Variants in PDSS1 observed in about 807,000 individuals in gnomAD.
PDSS1 encodes all trans-polyprenyl-diphosphate synthase PDSS1.
In PDSS1, 43 loss-of-function variants were observed where a neutral mutation model predicts 57.5. That is an observed-to-expected ratio of 0.75 (90% CI 0.59 to 0.96). The LOEUF (loss-of-function observed/expected upper bound fraction) is 0.96. Among genes scored for constraint, PDSS1 ranks in the 50% least tolerant of loss-of-function variants. The probability of loss-of-function intolerance (pLI) is 0.00; values close to 1 mark genes in which losing one functional copy is unlikely to be tolerated. For synonymous variants in PDSS1, 175 were observed against 191.3 expected, an observed-to-expected ratio of 0.91 and a Z score of 0.70; for missense variants, 438 against 527.8, an observed-to-expected ratio of 0.83 and a Z score of 1.67.
intron 10 of PDSS1, among the ~76,000 whole-genome samples, chr10:26,738,378 A>G (rs761905096): frequency 3.9e-5 from 6 of 152,240 alleles, no homozygotes; most frequent in Non-Finnish European, 7.3e-5. Flanking sequence ...AGGGAACTGA[A>G]CAAGTCTAAG....
Position 26,746,545 on chromosome 10 carries a change from T to C in PDSS1, c.*72T>C. The C allele has an allele frequency of 6.7e-7, 1 of 1,502,004 alleles. No individual in the cohort carries two copies. The highest frequency in any genetic ancestry group is 1.1e-5 in the South Asian group (1 of 88,608). 93.0% of individuals were successfully genotyped at this position (1,502,004 alleles called of 1,614,324 possible). ...AAAGAATTTTGTGGAATACACTTTG[T>C]TTGCTTCATGTGCAGATAACCAAAA... On this transcript the variant is annotated 3_prime_UTR_variant, in exon 12 of 12. Coordinates refer to ENST00000376215, the MANE Select transcript of PDSS1 (RefSeq NM_014317.5).
intron 5 of PDSS1, among the ~76,000 whole-genome samples, chr10:26,709,976 C>A (rs1332140030): frequency 6.6e-6 from 1 of 151,870 alleles, no homozygotes; most frequent in Non-Finnish European, 1.5e-5. Flanking sequence ...CATGGTGAGA[C>A]CCCGTCTCTA....
At chr10:26,728,200 A>G (rs1836030109) in intron 8 of PDSS1, among the ~76,000 whole-genome samples, 1 of 152,146 alleles carries the variant, frequency 6.6e-6, no homozygotes, top group African/African-American at 2.4e-5. Flanking sequence ...TACTAAAATT[A>G]TAAAAAATTA....
At chr10:26,698,181 G>T (rs1834934178) in intron 1 of PDSS1, among the ~76,000 whole-genome samples, 1 of 118,524 alleles carries the variant, frequency 8.4e-6, no homozygotes, top group African/African-American at 2.9e-5. Flanking sequence ...ACAAGGTTAA[G>T]CCTGGAGAGC....
At chr10:26,719,906 A>G (rs1027451158) in intron 5 of PDSS1, among the ~76,000 whole-genome samples, 1 of 152,210 alleles carries the variant, frequency 6.6e-6, no homozygotes, top group Admixed American at 6.5e-5. Context: ...ACACCTGACC[A>G]AGAACACTGT....
intron 6 of PDSS1, among the ~76,000 whole-genome samples, chr10:26,720,637 G>T (rs1432366674): frequency 6.6e-6 from 1 of 152,102 alleles, no homozygotes; most frequent in Non-Finnish European, 1.5e-5. Context: ...ATTTCATGAG[G>T]AATCATACGT....
At chr10:26,701,765 T>C in intron 1 of PDSS1, 2 of 453,384 alleles carry the variant, frequency 4.4e-6, no homozygotes, top group Non-Finnish European at 8.8e-6. Flanking sequence ...GCTGGGGCAC[T>C]GCCTAATGGA....
intron 6 of PDSS1, among the ~76,000 whole-genome samples, chr10:26,722,328 T>G (rs1364836576): frequency 6.6e-6 from 1 of 152,268 alleles, no homozygotes; most frequent in Non-Finnish European, 1.5e-5. Flanking sequence ...GTTTAGATAC[T>G]GAAGAACCTA....
intron 10 of PDSS1, among the ~76,000 whole-genome samples, chr10:26,741,781 C>A (rs1836620499): frequency 6.6e-6 from 1 of 152,150 alleles, no homozygotes; most frequent in Non-Finnish European, 1.5e-5. Flanking sequence ...GAAATGCATG[C>A]CAAGGCTCCA....
intron 6 of PDSS1, among the ~76,000 whole-genome samples, chr10:26,722,897 ACTT>A (rs999107337): frequency 1.4e-5 from 2 of 146,710 alleles, no homozygotes; most frequent in African/African-American, 5.0e-5. Context: ...CAATGGAAAA[ACTT>A]TTTTTTTTTT....
intron 4 of PDSS1, among the ~76,000 whole-genome samples, chr10:26,708,967 C>T (rs1206528292): frequency 1.3e-5 from 2 of 152,244 alleles, no homozygotes; most frequent in South Asian, 2.1e-4. Flanking sequence ...TTTCAAGCTG[C>T]GAACCAGCCC....
intron 5 of PDSS1, among the ~76,000 whole-genome samples, chr10:26,716,699 A>T (rs140733572): frequency 0.021 from 3,123 of 152,214 alleles, 107 homozygotes; most frequent in African/African-American, 0.07. Flanking sequence ...TCAAAAAAAA[A>T]AAAGATAATT....
intron 8 of PDSS1, among the ~76,000 whole-genome samples, chr10:26,730,601 T>C (rs4402188): frequency 0.18 from 27,350 of 151,740 alleles, 2,642 homozygotes; most frequent in African/African-American, 0.21. Context: ...AGAGTGAGAC[T>C]CTGTCTAAAA....
At position 26,735,110 on chromosome 10, in the gene PDSS1, T is replaced by C. The variant is rs1238436821; in HGVS notation, c.832-130T>C. The C allele has an allele frequency of 5.3e-6, 4 of 753,298 alleles. No homozygotes were observed. In the East Asian group the frequency reaches 1.0e-4, roughly 19 times the overall value. 46.7% of individuals were successfully genotyped at this position (753,298 alleles called of 1,614,324 possible). On this transcript the variant is annotated intron_variant, in intron 8 of 11. Coordinates refer to ENST00000376215, the MANE Select transcript of PDSS1 (RefSeq NM_014317.5). ...TTGTACATGCTTGGTGTCCCTCTGA[T>C]GTCAGCATCTCCTGAGTGTGTATAA... is the stretch of plus-strand genomic sequence containing the variant.
chr10:26,730,546 G>T (rs1588698021), intron 8 of PDSS1, among the ~76,000 whole-genome samples: 1 of 152,016 alleles, frequency 6.6e-6, no homozygotes, highest in South Asian at 2.1e-4. Flanking sequence ...GGAGGTCGAG[G>T]CTGCAGTGAG....
chr10:26,724,586 G>GT (rs1164551559), intron 8 of PDSS1, among the ~76,000 whole-genome samples: 1 of 151,654 alleles, frequency 6.6e-6, no homozygotes, highest in Non-Finnish European at 1.5e-5. Flanking sequence ...TGTTTTTTGT[G>GT]TTTTTTTGAG....
chr10:26,735,409 G>A (rs1836361185), intron 9 of PDSS1, 57 bp from the exon 10 acceptor site: 9 of 1,387,966 alleles, frequency 6.5e-6, no homozygotes, highest in Admixed American at 1.7e-5. Flanking sequence ...TAGTAAGAAC[G>A]ATGGCAGCAG....
chr10:26,725,729 ATG>A (rs764818852), intron 8 of PDSS1, among the ~76,000 whole-genome samples: 4 of 152,064 alleles, frequency 2.6e-5, no homozygotes, highest in Non-Finnish European at 5.9e-5. Context: ...CCTTAAGAGG[ATG>A]TGTTAAGTGA....
chr10:26,735,008 A>G (rs141019444), intron 8 of PDSS1, among the ~76,000 whole-genome samples: 100 of 152,352 alleles, frequency 6.6e-4, no homozygotes, highest in African/African-American at 2.4e-3. Flanking sequence ...GTCTGAAAGC[A>G]GGGGTTGGAG....
Sources: gnomAD v4.1 joint callset for allele counts (sites outside exome capture counted in the v4.1 genomes callset) on GRCh38, gnomAD v4.1.1 for gene constraint, MANE v1.5 for transcripts, NCBI Gene and HGNC (gene_info 2026-07-23, HGNC 2026-07-21) for gene names.